STX8: variants seen among roughly 807,000 people sequenced by gnomAD.
STX8 encodes the protein syntaxin 8, also known as syntaxin-8.
A neutral mutation model predicts 37.5 loss-of-function variants in STX8; 23 were observed. The ratio of observed to expected loss-of-function variants is 0.61; its 90% CI spans 0.44 to 0.87. The LOEUF (loss-of-function observed/expected upper bound fraction) is 0.87, where lower values mean the gene tolerates loss of function less well. Among genes scored for constraint, STX8 ranks in the 40% least tolerant of loss-of-function variants. The pLI, the probability that STX8 is intolerant of heterozygous loss-of-function variation, is 0.00. For missense variants in STX8, 313 were observed against 284.7 expected (o/e 1.10, Z -0.71); for synonymous variants, 115 against 99.1 (o/e 1.16, Z -0.95).
chr17:9,522,541 C>CAAAAAA (rs33970359), intron 4 of STX8, among the ~76,000 whole-genome samples: 1 of 66,898 alleles, frequency 1.5e-5, no homozygotes, highest in East Asian at 4.5e-4. Flanking sequence ...ACTAAAAATC[C>CAAAAAA]AAAAAAAAAA....
intron 6 of STX8, among the ~76,000 whole-genome samples, chr17:9,485,015 A>G (rs575493716): frequency 1.3e-5 from 2 of 152,214 alleles, no homozygotes; most frequent in African/African-American, 4.8e-5. Flanking sequence ...GTAGCTGGGT[A>G]TGATGGCACA....
chr17:9,494,054 C>A (rs1045893588), intron 5 of STX8, among the ~76,000 whole-genome samples: 29 of 150,634 alleles, frequency 1.9e-4, no homozygotes, highest in African/African-American at 7.1e-4. Flanking sequence ...CTCACTCTGT[C>A]GCCCAGGCTG....
chr17:9,464,470 GC>G (rs5819230), intron 6 of STX8, among the ~76,000 whole-genome samples: 18,077 of 152,182 alleles, frequency 0.12, 1,363 homozygotes, highest in Non-Finnish European at 0.17. Context: ...AGCAACTTTA[GC>G]AAAATAGCAC....
chr17:9,553,675 C>T (rs996069954), intron 3 of STX8: 1 of 152,122 alleles, frequency 6.6e-6, no homozygotes, highest in Non-Finnish European at 1.5e-5. Context: ...ACCTAATAAA[C>T]CACAATGAAC....
In STX8 at chr17:9,378,332, AAAC is replaced by A. The variant is rs956049371; in HGVS notation, c.643+217_643+219del. 62 of 471,352 alleles carry A rather than the reference AAAC, an allele frequency of 1.3e-4. 1 individual carries two copies. In the Middle Eastern group the frequency reaches 1.8e-3, roughly 14 times the overall value. The allele number at this position is 471,352 out of a possible 1,614,324, so 29.2% of individuals were successfully genotyped here. A position where few individuals can be genotyped will look rare whatever the true frequency, so the allele number is the denominator to read the frequency against. ...GAAAGGACTTTTAAATTAAAAACAA[AAAC>A]AACAACAAAAAAACAATGAATGATA... On this transcript the variant is annotated intron_variant, in intron 7 of 7. Coordinates refer to ENST00000306357, the MANE Select transcript of STX8 (RefSeq NM_004853.3).
At chr17:9,253,170 C>T (rs904525335) in intron 7 of STX8, among the ~76,000 whole-genome samples, 8 of 150,624 alleles carry the variant, frequency 5.3e-5, no homozygotes, top group South Asian at 2.1e-4. Flanking sequence ...TTTTACCTCA[C>T]ATTTCAAGAT....
chr17:9,296,194 A>C (rs1908531990), intron 7 of STX8, among the ~76,000 whole-genome samples: 1 of 151,622 alleles, frequency 6.6e-6, no homozygotes, highest in Non-Finnish European at 1.5e-5. Flanking sequence ...CGTCTCAAAA[A>C]AATTAGCCAG....
At chr17:9,333,426 C>G (rs971184291) in intron 7 of STX8, among the ~76,000 whole-genome samples, 10 of 152,176 alleles carry the variant, frequency 6.6e-5, no homozygotes, top group African/African-American at 1.7e-4. Flanking sequence ...CTTGCTCTGT[C>G]ACCCAGGCTG....
chr17:9,459,610 G>A (rs1905291771), intron 6 of STX8, among the ~76,000 whole-genome samples: 1 of 152,138 alleles, frequency 6.6e-6, no homozygotes, highest in South Asian at 2.1e-4. Flanking sequence ...CTGTCTCCCA[G>A]GTTCACTCCA....
chr17:9,259,065 T>C (rs72814136), intron 7 of STX8, among the ~76,000 whole-genome samples: 28,058 of 152,218 alleles, frequency 0.18, 3,125 homozygotes, highest in Middle Eastern at 0.27. Context: ...AACAGATCAA[T>C]GCAGTCTGGT....
chr17:9,515,315 G>A (rs1905131392), intron 4 of STX8, among the ~76,000 whole-genome samples: 1 of 152,134 alleles, frequency 6.6e-6, no homozygotes, highest in African/African-American at 2.4e-5. Flanking sequence ...TAAAGCCTTT[G>A]GAAGACTATT....
At chr17:9,527,582 A>C (rs1001212936) in intron 4 of STX8, among the ~76,000 whole-genome samples, 1 of 152,168 alleles carries the variant, frequency 6.6e-6, no homozygotes, top group African/African-American at 2.4e-5. Flanking sequence ...AAAGACTTAA[A>C]ATTAATACAT....
chr17:9,296,357 G>C (rs1466597286), intron 7 of STX8, among the ~76,000 whole-genome samples: 1 of 151,926 alleles, frequency 6.6e-6, no homozygotes, highest in African/African-American at 2.4e-5. Flanking sequence ...AATTAGCCAG[G>C]CGTGGTGGTG....
chr17:9,328,074 T>G (rs1029146116), intron 7 of STX8, among the ~76,000 whole-genome samples: 6 of 150,682 alleles, frequency 4.0e-5, no homozygotes, highest in Non-Finnish European at 5.9e-5. Context: ...TCTTTCTTTC[T>G]TTTCTTTTCT....
chr17:9,542,463 G>A (rs1309617623), intron 4 of STX8, among the ~76,000 whole-genome samples: 2 of 152,040 alleles, frequency 1.3e-5, no homozygotes, highest in Non-Finnish European at 2.9e-5. Flanking sequence ...AGATCACGAG[G>A]TCAGGAAATC....
In STX8 at chr17:9,317,990, T is replaced by C. The variant is rs78482761; in HGVS notation, c.643+60562A>G. ...ATCCACATTTACATAGAGCTTCCCA[T>C]TGGCCTTTCTACTTCCCAATTCTTA... On this transcript the variant is annotated intron_variant, in intron 7 of 7. Coordinates refer to ENST00000306357, the MANE Select transcript of STX8 (RefSeq NM_004853.3). Among the ~76,000 whole-genome samples, 662 of 152,294 alleles carry C rather than the reference T, an allele frequency of 4.3e-3. 7 individuals are homozygous for C. Among genetic ancestry groups the C allele is most frequent in the African/African-American group, 0.015 (613 of 41,578 alleles).
intron 6 of STX8, among the ~76,000 whole-genome samples, chr17:9,414,775 G>A (rs1402903017): frequency 1.4e-5 from 2 of 139,990 alleles, no homozygotes; most frequent in African/African-American, 5.2e-5. Flanking sequence ...ACTGATACCT[G>A]AGTTCTGCTT....
At chr17:9,485,154 C>G (rs1341880940) in intron 6 of STX8, among the ~76,000 whole-genome samples, 1 of 151,778 alleles carries the variant, frequency 6.6e-6, no homozygotes, top group East Asian at 1.9e-4. Flanking sequence ...GATCTGTGTT[C>G]TGAAGACAAC....
At chr17:9,441,224 G>A (rs1904635899) in intron 6 of STX8, among the ~76,000 whole-genome samples, 1 of 152,092 alleles carries the variant, frequency 6.6e-6, no homozygotes, top group African/African-American at 2.4e-5. Context: ...GGGCACGGTG[G>A]CTCACACCTG....
Sources: allele counts gnomAD v4.1 joint callset (sites outside exome capture counted in the v4.1 genomes callset), GRCh38; gene constraint gnomAD v4.1.1; transcripts MANE v1.5; gene names NCBI Gene and HGNC (gene_info 2026-07-23, HGNC 2026-07-21).